The following FAM118B variants were observed in gnomAD, a reference collection of about 807,000 sequenced individuals.
FAM118B encodes protein FAM118B.
Under a neutral mutation model 38.5 loss-of-function variants are expected in FAM118B, and 24 were observed. The ratio of observed to expected loss-of-function variants is 0.62; its 90% CI spans 0.45 to 0.88. FAM118B has a LOEUF of 0.88. Among genes scored for constraint, FAM118B ranks in the 40% least tolerant of loss-of-function variants. The pLI is 0.00. For missense variants in FAM118B, 334 were observed against 420.0 expected, an observed-to-expected ratio of 0.80 and a Z score of 1.79; for synonymous variants, 138 against 156.3, an observed-to-expected ratio of 0.88 and a Z score of 0.87.
intron 7 of FAM118B, among the ~76,000 whole-genome samples, chr11:126,258,094 C>A (rs1431746843): frequency 6.6e-6 from 1 of 152,156 alleles, no homozygotes; most frequent in Non-Finnish European, 1.5e-5. Flanking sequence ...TCATTGTCAA[C>A]CTGAATGCAT....
chr11:126,244,113 G>A lies in FAM118B; in HGVS notation c.339+3069G>A, dbSNP rs930402343. 2.6e-5 allele frequency among the ~76,000 whole-genome samples: 4 copies of A among 152,030 alleles called. No individual in the cohort carries two copies. Among genetic ancestry groups the A allele is most frequent in the East Asian group, 3.9e-4 (2 of 5,194 alleles). ...TAACTACCTCAACACGATAAAGACC[G>A]TATATGAAAAACTCACAGTTAACAT... On this transcript the variant is annotated intron_variant, in intron 4 of 8. Transcript: ENST00000533050. This position sits in a 1 kb window ranked among gnomAD's most constrained non-coding sequence, Gnocchi z 4.5.
chr11:126,245,891 G>A (rs1435034599), intron 4 of FAM118B, among the ~76,000 whole-genome samples: 1 of 151,840 alleles, frequency 6.6e-6, no homozygotes, highest in East Asian at 1.9e-4. Flanking sequence ...AGCTACTGGG[G>A]AGGCTGAGGC....
chr11:126,241,554 A>G (rs1455943032), intron 4 of FAM118B, among the ~76,000 whole-genome samples: 1 of 151,608 alleles, frequency 6.6e-6, no homozygotes, highest in African/African-American at 2.4e-5. Context: ...TTATTTATTT[A>G]TTTATTTATT....
chr11:126,259,416 GT>G (rs1950636468), intron 7 of FAM118B, among the ~76,000 whole-genome samples: 1 of 147,904 alleles, frequency 6.8e-6, no homozygotes, highest in South Asian at 2.1e-4. Flanking sequence ...ACAAGCAGTC[GT>G]TGTGGTACTT....
intron 7 of FAM118B, among the ~76,000 whole-genome samples, chr11:126,257,605 ATTT>A (rs5795488): frequency 6.4e-5 from 9 of 140,938 alleles, no homozygotes; most frequent in Non-Finnish European, 1.5e-5. Context: ...AGAATTGTAC[ATTT>A]TTTTTTTTTT....
In FAM118B at chr11:126,250,794, C is replaced by A; in HGVS notation, c.567+61C>A. ...GTGGATTTTATCTTCCTCAGAAAAGCTCTTTTCTAGTTGGTATATTGGTAT... is the reference window on the plus strand; with the variant it reads ...GTGGATTTTATCTTCCTCAGAAAAGATCTTTTCTAGTTGGTATATTGGTAT... On this transcript the variant is annotated intron_variant, in intron 5 of 8. Transcript: ENST00000533050. This position sits in a 1 kb window ranked among gnomAD's most constrained non-coding sequence, Gnocchi z 5.1. 4.5e-6 allele frequency: 6 copies of A among 1,319,124 alleles called. No homozygotes were observed. The highest frequency in any genetic ancestry group is 6.3e-6 in the Non-Finnish European group (6 of 946,616). The allele number at this position is 1,319,124 out of a possible 1,614,324, so 81.7% of individuals were successfully genotyped here.
chr11:126,234,985 T>C lies in FAM118B; in HGVS notation c.-7-10T>C, dbSNP rs1231946972. ...TCTAATTGTGGTTCATGGTGTTTAA[T>C]CTATTTTAGAAACTGGATGGCTTCT... On this transcript the variant is annotated splice_polypyrimidine_tract_variant and intron_variant, in intron 2 of 8. Coordinates refer to ENST00000533050, the MANE Select transcript of FAM118B (RefSeq NM_024556.4). 1.2e-6 allele frequency: 2 copies of C among 1,603,168 alleles called. No individual in the cohort carries two copies. Among genetic ancestry groups the C allele is most frequent in the Non-Finnish European group, 1.7e-6 (2 of 1,170,592 alleles).
intron 1 of FAM118B, among the ~76,000 whole-genome samples, chr11:126,221,792 A>G (rs146621301): frequency 3.0e-4 from 46 of 152,256 alleles, no homozygotes; most frequent in African/African-American, 1.0e-3. Context: ...AAACCAGGAA[A>G]AGGCAAGATG....
intron 1 of FAM118B, among the ~76,000 whole-genome samples, chr11:126,224,098 A>G (rs1365439733): frequency 6.6e-6 from 1 of 152,224 alleles, no homozygotes; most frequent in Non-Finnish European, 1.5e-5. Flanking sequence ...CTGCACTTTT[A>G]GACTATATCC....
chr11:126,224,997 T>C (rs1430115344), intron 1 of FAM118B, among the ~76,000 whole-genome samples: 2 of 152,224 alleles, frequency 1.3e-5, no homozygotes, highest in Non-Finnish European at 2.9e-5. Flanking sequence ...ATTCAGTTCA[T>C]AGGGCAGCTG....
chr11:126,226,721 T>A (rs1044667749), intron 1 of FAM118B, among the ~76,000 whole-genome samples: 1 of 152,188 alleles, frequency 6.6e-6, no homozygotes, highest in South Asian at 2.1e-4. Flanking sequence ...GGCTCACACC[T>A]GTAACTGAAG....
chr11:126,212,819 A>T (rs867713399), intron 1 of FAM118B, among the ~76,000 whole-genome samples: 1 of 152,212 alleles, frequency 6.6e-6, no homozygotes, highest in Non-Finnish European at 1.5e-5. Context: ...CTCAAGTTGA[A>T]GAGTTTGAAC....
intron 1 of FAM118B, among the ~76,000 whole-genome samples, chr11:126,215,051 A>G (rs1223380173): frequency 6.6e-6 from 1 of 152,198 alleles, no homozygotes; most frequent in African/African-American, 2.4e-5. Context: ...AAAGGAGGCA[A>G]TTAGCAGGAA....
intron 5 of FAM118B, among the ~76,000 whole-genome samples, chr11:126,251,973 C>CCTTTT (rs1950509749): frequency 6.6e-6 from 1 of 151,154 alleles, no homozygotes; most frequent in South Asian, 2.1e-4. Context: ...TGTGCCTGGC[C>CCTTTT]GTTTTGTTTT....
In FAM118B at chr11:126,256,502, T is replaced by TTCAGA; in HGVS notation, c.697-65_697-64insTCAGA. The TTCAGA allele has an allele frequency of 6.6e-7, 1 of 1,508,910 alleles. No homozygotes were observed. The highest frequency in any genetic ancestry group is 9.1e-7 in the Non-Finnish European group (1 of 1,104,022). The allele number at this position is 1,508,910 out of a possible 1,614,324, so 93.5% of individuals were successfully genotyped here. A position where few individuals can be genotyped will look rare whatever the true frequency, so the allele number is the denominator to read the frequency against. ...CAGTCTGCTCAACGTAGCATGACCT[T>TTCAGA]CTTGTTTCAGACTTGCCTTGAGTGT... On this transcript the variant is annotated intron_variant, in intron 6 of 8. Coordinates refer to ENST00000533050, the MANE Select transcript of FAM118B (RefSeq NM_024556.4). This position sits in a 1 kb window ranked among gnomAD's most constrained non-coding sequence, Gnocchi z 6.6.
chr11:126,222,313 T>C (rs1007485385), intron 1 of FAM118B, among the ~76,000 whole-genome samples: 2 of 152,212 alleles, frequency 1.3e-5, no homozygotes, highest in Non-Finnish European at 2.9e-5. Context: ...ATACTAATAT[T>C]CTTAGCACAG....
intron 7 of FAM118B, 75 bp from the exon 8 acceptor site, chr11:126,261,350 C>T: frequency 4.1e-6 from 5 of 1,214,428 alleles, no homozygotes; most frequent in Non-Finnish European, 6.1e-6. Context: ...GTCCTCATCT[C>T]CCTTTAGTTT....
rs535264103 is a variant in FAM118B at position 126,219,527 on chromosome 11, CT to C, written c.-77+7698del. On this transcript the variant is annotated intron_variant, in intron 1 of 8. Transcript: ENST00000533050. ...CATAGGCATATGCCACCACATCTGG[CT>C]AAGTTTTTTATTTTTGTAGAGACAG... 2.0e-5 allele frequency among the ~76,000 whole-genome samples: 3 copies of C among 151,840 alleles called. No individual in the cohort carries two copies. The South Asian group carries it at 6.2e-4, about 32-fold the overall frequency.
intron 7 of FAM118B, chr11:126,260,395 GA>G (rs1414709499): frequency 4.5e-5 from 4 of 89,020 alleles, no homozygotes; most frequent in South Asian, 4.3e-4. Flanking sequence ...AAAATATAGT[GA>G]TTTTTTTTTT....
Sources: allele counts gnomAD v4.1 joint callset (sites outside exome capture counted in the v4.1 genomes callset), GRCh38; gene constraint gnomAD v4.1.1; non-coding constraint Gnocchi (gnomAD v3.1); transcripts MANE v1.5; gene names NCBI Gene and HGNC (gene_info 2026-07-23, HGNC 2026-07-21).